Variants in SYCP2 observed in about 807,000 individuals in gnomAD.
SYCP2 encodes synaptonemal complex protein 2.
A neutral mutation model predicts 211.3 loss-of-function variants in SYCP2; 55 were observed. That is an observed-to-expected ratio of 0.26 (90% CI 0.21 to 0.33). The LOEUF is 0.33. Ranked by LOEUF, SYCP2 falls within the 10% of genes least tolerant of loss-of-function variation. The pLI is 1.00. For synonymous variants in SYCP2, 570 were observed against 555.2 expected (o/e 1.03, Z -0.37); for missense variants, 1,731 against 1,752.0 (o/e 0.99, Z 0.21).
Position 59,920,492 on chromosome 20 carries a change from A to G in SYCP2, c.169-5T>C, listed in dbSNP as rs1159907377. ...GATATCCTCTTTATTAAGTTCCTGAAATAAAAGGTATACATTAAAATTTCT... is the reference window on the plus strand; with the variant it reads ...GATATCCTCTTTATTAAGTTCCTGAGATAAAAGGTATACATTAAAATTTCT... On this transcript the variant is annotated splice_polypyrimidine_tract_variant and splice_region_variant and intron_variant, in intron 4 of 44. Transcript: ENST00000357552. 1 of 1,586,828 alleles carries G rather than the reference A, an allele frequency of 6.3e-7. No individual in the cohort carries two copies. The highest frequency in any genetic ancestry group is 2.3e-5 in the East Asian group (1 of 44,128).
At chr20:59,882,475 A>G (rs1200415297) in intron 26 of SYCP2, among the ~76,000 whole-genome samples, 1 of 152,190 alleles carries the variant, frequency 6.6e-6, no homozygotes, top group Non-Finnish European at 1.5e-5. Context: ...GGAAATCAAT[A>G]TACCAAAGAG....
chr20:59,865,470 C>G (rs745940147), intron 43 of SYCP2, 26 bp from the exon 44 acceptor site: 46 of 1,595,126 alleles, frequency 2.9e-5, no homozygotes, highest in Non-Finnish European at 3.5e-5. Context: ...TATATTTCAC[C>G]CATGAAATTT....
At chr20:59,883,964 C>T (rs2059736959) in intron 26 of SYCP2, among the ~76,000 whole-genome samples, 1 of 151,978 alleles carries the variant, frequency 6.6e-6, no homozygotes, top group African/African-American at 2.4e-5. Context: ...AACCATTTCA[C>T]TATGTATATC....
chr20:59,867,683 A>G, intron 39 of SYCP2, 28 bp downstream of exon 39: 1 of 1,570,638 alleles, frequency 6.4e-7, no homozygotes, highest in South Asian at 1.1e-5. Flanking sequence ...ATTATTGGGT[A>G]TAAATCATAA....
chr20:59,883,117 G>C (rs1281807027), intron 26 of SYCP2, among the ~76,000 whole-genome samples: 1 of 152,164 alleles, frequency 6.6e-6, no homozygotes, highest in Non-Finnish European at 1.5e-5. Flanking sequence ...GGGAGGCCAA[G>C]GTGGGTGGGT....
chr20:59,925,888 A>G (rs1324231546), intron 2 of SYCP2, among the ~76,000 whole-genome samples: 3 of 152,044 alleles, frequency 2.0e-5, no homozygotes, highest in Non-Finnish European at 4.4e-5. Flanking sequence ...GAAGCAGAAC[A>G]ATACTGCCTG....
intron 17 of SYCP2, among the ~76,000 whole-genome samples, 196 bp from the exon 18 acceptor site, chr20:59,900,480 A>C (rs1388777919): frequency 6.6e-6 from 1 of 152,124 alleles, no homozygotes; most frequent in Non-Finnish European, 1.5e-5. Context: ...GACATAAAAG[A>C]AGCTTGACAT....
chr20:59,873,728 C>A (rs1047320612), intron 35 of SYCP2, 128 bp downstream of exon 35: 3 of 707,506 alleles, frequency 4.2e-6, no homozygotes, highest in African/African-American at 3.6e-5. Flanking sequence ...TCCCTCTCCC[C>A]CAAGACCCTA....
chr20:59,866,820 TTTCATAAGAACCCCACACTC>T (rs373792735), intron 39 of SYCP2, among the ~76,000 whole-genome samples: 246 of 151,770 alleles, frequency 1.6e-3, no homozygotes, highest in Non-Finnish European at 2.8e-3. Flanking sequence ...CCACAATTGT[TTTCATAAGAACCCCACACTC>T]TACAGTATTT....
At position 59,867,995 on chromosome 20, in the gene SYCP2, GTTTT is replaced by G. The variant is rs371420891; in HGVS notation, c.3989-152_3989-149del. 1.6e-4 allele frequency: 96 copies of G among 594,908 alleles called. 2 individuals carry two copies. The East Asian group carries it at 2.7e-3, about 17-fold the overall frequency. The allele number at this position is 594,908 out of a possible 1,614,324, so 36.9% of individuals were successfully genotyped here. A position where few individuals can be genotyped will look rare whatever the true frequency, so the allele number is the denominator to read the frequency against. Reference sequence around the variant, plus strand: ...AATCAAAGGCAGAAGAGTTCCTTATGTTTTTTTTAATTTAAAAATCAGATTATTC... The same window carrying G: ...AATCAAAGGCAGAAGAGTTCCTTATGTTTTAATTTAAAAATCAGATTATTC... On this transcript the variant is annotated intron_variant, in intron 38 of 44. Transcript: ENST00000357552.
intron 34 of SYCP2, 21 bp from the exon 35 acceptor site, chr20:59,874,082 A>G: frequency 7.2e-7 from 1 of 1,386,274 alleles, no homozygotes; most frequent in Non-Finnish European, 9.8e-7. Flanking sequence ...TCAAAATAAA[A>G]AAGAAAATAG....
intron 24 of SYCP2, among the ~76,000 whole-genome samples, chr20:59,887,115 T>TA (rs1370952789): frequency 1.3e-5 from 2 of 152,172 alleles, no homozygotes; most frequent in African/African-American, 2.4e-5. Flanking sequence ...ACTCGTCATT[T>TA]ACATTAGGTA....
intron 14 of SYCP2, among the ~76,000 whole-genome samples, chr20:59,908,121 C>T (rs553668624): frequency 3.9e-5 from 6 of 151,960 alleles, no homozygotes; most frequent in Admixed American, 2.0e-4. Context: ...TGGTGGTGGG[C>T]GCCTGTAGTT....
At position 59,881,393 on chromosome 20, in the gene SYCP2, GA is replaced by G. The variant is rs372626209; in HGVS notation, c.2714+43del. 9.5e-4 allele frequency: 959 copies of G among 1,005,794 alleles called. 8 individuals carry two copies. The East Asian group carries it at 0.014, about 15-fold the overall frequency. 62.3% of individuals were successfully genotyped at this position (1,005,794 alleles called of 1,614,324 possible). On this transcript the variant is annotated intron_variant, in intron 29 of 44. Coordinates refer to ENST00000357552, the MANE Select transcript of SYCP2 (RefSeq NM_014258.4). ...TAAGACTGGGAGGAGATATTTAAGA[GA>G]AAAAAAAAGATCAGAATATTTTAAT...
intron 26 of SYCP2, among the ~76,000 whole-genome samples, chr20:59,882,586 T>C (rs564001862): frequency 6.6e-6 from 1 of 152,164 alleles, no homozygotes; most frequent in East Asian, 1.9e-4. Flanking sequence ...TACAACGAAA[T>C]ATTATTCAGC....
intron 33 of SYCP2, among the ~76,000 whole-genome samples, chr20:59,876,198 C>A (rs1568915794): frequency 6.6e-6 from 1 of 151,070 alleles, no homozygotes; most frequent in Non-Finnish European, 1.5e-5. Context: ...TGGTGAAACC[C>A]AGTCTCTACT....
intron 24 of SYCP2, among the ~76,000 whole-genome samples, chr20:59,887,253 T>G (rs1372240931): frequency 6.6e-6 from 1 of 152,108 alleles, no homozygotes; most frequent in Admixed American, 6.6e-5. Context: ...CATGCGGTGT[T>G]TTTTTGTCCT....
chr20:59,899,989 G>A (rs1450745339), intron 18 of SYCP2, 149 bp downstream of exon 18: 5 of 817,494 alleles, frequency 6.1e-6, no homozygotes, highest in Non-Finnish European at 9.8e-6. Flanking sequence ...TCTTTTGTTT[G>A]CATTTGTCAA....
chr20:59,866,697 A>G (rs531602149), intron 39 of SYCP2, 108 bp from the exon 40 acceptor site: 1 of 752,266 alleles, frequency 1.3e-6, no homozygotes, highest in East Asian at 2.8e-5. Context: ...ACTAAGAAGA[A>G]CTTGGAAAAG....
Sources: allele counts gnomAD v4.1 joint callset (sites outside exome capture counted in the v4.1 genomes callset), GRCh38; gene constraint gnomAD v4.1.1; transcripts MANE v1.5; gene names NCBI Gene and HGNC (gene_info 2026-07-23, HGNC 2026-07-21).